The following AGBL1 variants were observed in gnomAD, a reference collection of about 807,000 sequenced individuals.
AGBL1 encodes cytosolic carboxypeptidase 4.
A neutral mutation model predicts 118.9 loss-of-function variants in AGBL1; 130 were observed. The observed-to-expected ratio is 1.09, with a 90% CI of 0.95 to 1.26. AGBL1 has a LOEUF of 1.26. Ranked by LOEUF, AGBL1 falls within the 50% of genes most tolerant of loss-of-function variation. AGBL1 has a pLI of 0.00. For synonymous variants in AGBL1, 555 were observed against 478.9 expected, an observed-to-expected ratio of 1.16 and a Z score of -2.08; for missense variants, 1,584 against 1,298.1, an observed-to-expected ratio of 1.22 and a Z score of -3.38.
At chr15:86,732,977 A>G (rs1185283202) in intron 22 of AGBL1, among the ~76,000 whole-genome samples, 1 of 149,304 alleles carries the variant, frequency 6.7e-6, no homozygotes, top group South Asian at 2.1e-4. Flanking sequence ...ATATACATAC[A>G]TACAGGAGAT....
At chr15:86,936,565 T>C (rs1025748557) in intron 23 of AGBL1, among the ~76,000 whole-genome samples, 1 of 152,172 alleles carries the variant, frequency 6.6e-6, no homozygotes, top group Non-Finnish European at 1.5e-5. Flanking sequence ...GCCTCCCTAG[T>C]CAATAAATGG....
chr15:86,938,523 C>T (rs8038531), intron 23 of AGBL1, among the ~76,000 whole-genome samples: 107,963 of 152,034 alleles, frequency 0.71, 39,430 homozygotes, highest in South Asian at 0.88. Context: ...AACGTATTTC[C>T]AACTAATATG....
chr15:86,772,427 C>T (rs1158303309), intron 22 of AGBL1, among the ~76,000 whole-genome samples: 2 of 152,010 alleles, frequency 1.3e-5, no homozygotes, highest in African/African-American at 4.8e-5. Flanking sequence ...TTTGTGGTGT[C>T]TTTGTCACAT....
intron 18 of AGBL1, among the ~76,000 whole-genome samples, chr15:86,423,916 A>G (rs1380223538): frequency 1.3e-5 from 2 of 152,374 alleles, no homozygotes; most frequent in East Asian, 1.9e-4. Context: ...ATCCATGTTC[A>G]TGGATAGAAA....
chr15:86,871,916 C>T (rs1340108245), intron 22 of AGBL1, among the ~76,000 whole-genome samples: 1 of 152,194 alleles, frequency 6.6e-6, no homozygotes, highest in Admixed American at 6.5e-5. Flanking sequence ...ACACATTTAG[C>T]TTTAAAATAC....
chr15:86,215,281 C>T (rs569796974), intron 5 of AGBL1, among the ~76,000 whole-genome samples: 1 of 147,774 alleles, frequency 6.8e-6, no homozygotes, highest in Non-Finnish European at 1.5e-5. Flanking sequence ...ATGCATCCTG[C>T]TAGTCCCTCT....
At chr15:86,828,996 A>C (rs1027972722) in intron 22 of AGBL1, among the ~76,000 whole-genome samples, 45 of 148,514 alleles carry the variant, frequency 3.0e-4, no homozygotes, top group Non-Finnish European at 6.1e-4. Flanking sequence ...TATATAATTG[A>C]ATATATTATT....
intron 21 of AGBL1, among the ~76,000 whole-genome samples, chr15:86,652,064 C>T (rs773310989): frequency 2.0e-5 from 3 of 152,170 alleles, no homozygotes; most frequent in Non-Finnish European, 2.9e-5. Flanking sequence ...GTGATCTTCA[C>T]TAACTTCATC....
At chr15:86,703,548 T>C (rs1386427631) in intron 22 of AGBL1, among the ~76,000 whole-genome samples, 6 of 152,164 alleles carry the variant, frequency 3.9e-5, no homozygotes, top group Non-Finnish European at 8.8e-5. Context: ...AGTGACTGTT[T>C]TTCTGTTACG....
intron 22 of AGBL1, among the ~76,000 whole-genome samples, chr15:86,752,306 C>T (rs891370296): frequency 2.0e-5 from 3 of 152,120 alleles, no homozygotes; most frequent in African/African-American, 7.2e-5. Context: ...TTTTCAGTCT[C>T]ATTGGAACTA....
intron 6 of AGBL1, 82 bp downstream of exon 6, chr15:86,225,033 CTTTTTT>C: frequency 9.7e-7 from 1 of 1,031,702 alleles, no homozygotes; most frequent in Non-Finnish European, 1.4e-6. Context: ...ATGGCTGTTT[CTTTTTT>C]TTTTTTTTTC....
chr15:86,946,827 A>G (rs1337202155), intron 23 of AGBL1, among the ~76,000 whole-genome samples: 1 of 127,346 alleles, frequency 7.9e-6, no homozygotes, highest in Non-Finnish European at 1.6e-5. Context: ...CTGGGCAACG[A>G]GAGTGAAACT....
chr15:86,916,372 T>C (rs2141612168), downstream of AGBL1, among the ~76,000 whole-genome samples: 1 of 152,256 alleles, frequency 6.6e-6, no homozygotes, highest in South Asian at 2.1e-4. Flanking sequence ...GAGAATAACC[T>C]GTGAGAACGA....
At chr15:86,319,109 T>C (rs2080064883) in intron 17 of AGBL1, among the ~76,000 whole-genome samples, 2 of 152,220 alleles carry the variant, frequency 1.3e-5, no homozygotes, top group Admixed American at 1.3e-4. Flanking sequence ...TTTGATAACA[T>C]CCGAGTTGTT....
chr15:86,785,370 T>G (rs539321733), intron 22 of AGBL1, among the ~76,000 whole-genome samples: 1,483 of 139,748 alleles, frequency 0.011, 32 homozygotes, highest in African/African-American at 0.037. Context: ...CTTTTTTTTT[T>G]TTTTTTTTGT....
At chr15:86,435,049 T>C (rs751190852) in intron 18 of AGBL1, among the ~76,000 whole-genome samples, 9 of 152,188 alleles carry the variant, frequency 5.9e-5, no homozygotes, top group Non-Finnish European at 1.2e-4. Context: ...TCCATCGAAC[T>C]GAAATATGTA....
intron 22 of AGBL1, among the ~76,000 whole-genome samples, chr15:86,823,929 A>C (rs1171600519): frequency 6.6e-6 from 1 of 152,152 alleles, no homozygotes; most frequent in Non-Finnish European, 1.5e-5. Flanking sequence ...GAATTACCTC[A>C]ACAATAAAAG....
In AGBL1 at chr15:86,510,053, C is replaced by T. The variant is rs149355716; in HGVS notation, c.2556-12757C>T. On this transcript the variant is annotated intron_variant, in intron 18 of 22. Coordinates refer to ENST00000614907, the MANE Select transcript of AGBL1 (RefSeq NM_001386094.1). ...TCCAGAATTCCAAGATGACTCTTGA[C>T]ATTCTTTTACCTAGGAAGGTATTGG... Among the ~76,000 whole-genome samples, 217 of 151,464 alleles carry T rather than the reference C, an allele frequency of 1.4e-3. 1 individual carries two copies. The highest frequency in any genetic ancestry group is 4.9e-3 in the African/African-American group (204 of 41,330).
At chr15:86,725,000 T>C (rs2086797692) in intron 22 of AGBL1, among the ~76,000 whole-genome samples, 1 of 152,124 alleles carries the variant, frequency 6.6e-6, no homozygotes, top group African/African-American at 2.4e-5. Context: ...AATATTCCTT[T>C]ATAGCAATGC....
Sources: gnomAD v4.1 joint callset for allele counts (sites outside exome capture counted in the v4.1 genomes callset) on GRCh38, gnomAD v4.1.1 for gene constraint, MANE v1.5 for transcripts, NCBI Gene and HGNC (gene_info 2026-07-23, HGNC 2026-07-21) for gene names.